Variants in DTYMK observed in about 807,000 individuals in gnomAD.
The protein encoded by DTYMK is deoxythymidylate kinase, also known as thymidylate kinase.
Under a neutral mutation model 20.3 loss-of-function variants are expected in DTYMK, and 20 were observed. That is an observed-to-expected ratio of 0.99 (90% CI 0.69 to 1.43). The LOEUF (loss-of-function observed/expected upper bound fraction) is 1.43. Among genes scored for constraint, DTYMK ranks in the 40% most tolerant of loss-of-function variants. DTYMK has a pLI of 0.00. For synonymous variants in DTYMK, 148 were observed against 124.4 expected (o/e 1.19, Z -1.27); for missense variants, 320 against 291.1 (o/e 1.10, Z -0.72).
In DTYMK at chr2:241,678,486, T is replaced by C; in HGVS notation, c.494A>G (p.His165Arg). The C allele has an allele frequency of 7.4e-6, 12 of 1,614,138 alleles. No homozygotes were observed. Among genetic ancestry groups the C allele is most frequent in the Non-Finnish European group, 1.0e-5 (12 of 1,180,032 alleles). The change falls in exon 4 of 5, where the codon CAC becomes CGC. Residue 165 changes from histidine to arginine, a missense_variant. Transcript: ENST00000305784. The stretch of plus-strand genomic sequence containing the variant: ...CAAAGTCGTGTCTTTCATGAGCTGG[T>C]GGAAACACCGGAGCGCCCGCTCCTG... ...AFQERALRCFHQLMKDTTLNW... is the reference protein window; with the variant it reads ...AFQERALRCFRQLMKDTTLNW...
intron 4 of DTYMK, among the ~76,000 whole-genome samples, chr2:241,678,052 G>A (rs2069156481): frequency 1.3e-5 from 2 of 152,182 alleles, no homozygotes; most frequent in Non-Finnish European, 2.9e-5. Context: ...GAGGTGGGCA[G>A]ATCACCTGAG....
Position 241,685,753 on chromosome 2 carries a change from G to T in DTYMK, c.239+16C>A, listed in dbSNP as rs1395370976. ...AAGTGGCAAGGGCAGAGGGAGCAGT[G>T]TGCAATGGTTTTTACACTTGTTCCC... On this transcript the variant is annotated intron_variant, in intron 2 of 4. Coordinates refer to ENST00000305784, the MANE Select transcript of DTYMK (RefSeq NM_012145.4). The T allele has an allele frequency of 6.2e-7, 1 of 1,611,616 alleles. No homozygotes were observed. The highest frequency in any genetic ancestry group is 8.5e-7 in the Non-Finnish European group (1 of 1,177,746).
At chr2:241,686,431 G>A (rs1340806729) in intron 1 of DTYMK, among the ~76,000 whole-genome samples, 1 of 152,256 alleles carries the variant, frequency 6.6e-6, no homozygotes, top group Non-Finnish European at 1.5e-5. Context: ...CTACCCGGGA[G>A]GCTGAGGCGG....
At chr2:241,686,524 AG>A (rs2124837479) in intron 1 of DTYMK, 129 bp downstream of exon 1, 1 of 1,312,106 alleles carries the variant, frequency 7.6e-7, no homozygotes, top group Non-Finnish European at 9.8e-7. Flanking sequence ...ACACAGGGAA[AG>A]CCCGTCTTTC....
intron 3 of DTYMK, among the ~76,000 whole-genome samples, chr2:241,679,105 G>A (rs1260360688): frequency 6.6e-6 from 1 of 152,230 alleles, no homozygotes; most frequent in Non-Finnish European, 1.5e-5. Flanking sequence ...TGGAAGAGCA[G>A]GAAGAAGACA....
At position 241,680,280 on chromosome 2, in the gene DTYMK, G is replaced by A; in HGVS notation, c.279C>T (p.Leu93=). 5.0e-6 allele frequency: 8 copies of A among 1,614,184 alleles called. No homozygotes were observed. The highest frequency in any genetic ancestry group is 6.8e-6 in the Non-Finnish European group (8 of 1,180,022). ...IKEKLSQGVT[L]VVDRYAFSGV... ...CAGAAAATGCGTATCTGTCCACGACGAGGGTCACGCCCTGGCTCAACTTTT... is the reference window on the plus strand; with the variant it reads ...CAGAAAATGCGTATCTGTCCACGACAAGGGTCACGCCCTGGCTCAACTTTT... Residue 93 remains leucine, a synonymous_variant, in exon 3 of 5, where the codon CTC becomes CTT. Transcript: ENST00000305784.
chr2:241,677,199 T>TG (rs2069136975), intron 4 of DTYMK, among the ~76,000 whole-genome samples: 1 of 152,138 alleles, frequency 6.6e-6, no homozygotes, highest in African/African-American at 2.4e-5. Flanking sequence ...AGAAGGCACT[T>TG]GGAAGAATCT....
At chr2:241,685,713 T>C (rs903044957) in intron 2 of DTYMK, 56 bp downstream of exon 2, 31 of 1,544,924 alleles carry the variant, frequency 2.0e-5, no homozygotes, top group Non-Finnish European at 2.7e-5. Context: ...GTTCACTGAA[T>C]CTCAGGAGGA....
intron 2 of DTYMK, chr2:241,682,322 C>T (rs912232720): frequency 1.4e-5 from 6 of 416,996 alleles, no homozygotes; most frequent in Middle Eastern, 3.4e-4. Flanking sequence ...CTGCATGACA[C>T]AGAGACCCTG....
chr2:241,685,684 AT>A (rs2069373727), intron 2 of DTYMK, 84 bp downstream of exon 2: 1 of 1,403,470 alleles, frequency 7.1e-7, no homozygotes, highest in African/African-American at 1.4e-5. Context: ...TGTCACTGTC[AT>A]TCAGAATCGA....
rs1434460664 is a variant in DTYMK, at chr2:241,680,116, G to T, written c.330+113C>A. On this transcript the variant is annotated intron_variant, in intron 3 of 4. Coordinates refer to ENST00000305784, the MANE Select transcript of DTYMK (RefSeq NM_012145.4). Reference sequence around the variant, plus strand: ...TAGCAAAGAGATAAAAGGAATATAAGAATCACGAAACTCTGCAGAGTAATC... The same window carrying T: ...TAGCAAAGAGATAAAAGGAATATAATAATCACGAAACTCTGCAGAGTAATC... The T allele has an allele frequency of 5.3e-6, 5 of 947,734 alleles. No individual in the cohort carries two copies. In the Admixed American group the frequency reaches 1.2e-4, roughly 24 times the overall value. The allele number at this position is 947,734 out of a possible 1,614,324, so 58.7% of individuals were successfully genotyped here. A position where few individuals can be genotyped will look rare whatever the true frequency, so the allele number is the denominator to read the frequency against.
At chr2:241,684,208 A>T (rs2069327513) in intron 2 of DTYMK, among the ~76,000 whole-genome samples, 1 of 152,252 alleles carries the variant, frequency 6.6e-6, no homozygotes, top group South Asian at 2.1e-4. Flanking sequence ...TAAGATTATT[A>T]TCTAAAAAGT....
intron 2 of DTYMK, 77 bp from the exon 3 acceptor site, chr2:241,680,396 G>T: frequency 6.6e-7 from 1 of 1,520,778 alleles, no homozygotes. Flanking sequence ...ATCCCAACAG[G>T]CTGTGCGCAG....
Position 241,686,605 on chromosome 2 carries a change from A to C in DTYMK, c.130+49T>G, listed in dbSNP as rs778175645. 5.5e-6 allele frequency: 8 copies of C among 1,447,972 alleles called. No homozygotes were observed. The South Asian group carries it at 1.1e-4, about 20-fold the overall frequency. The allele number at this position is 1,447,972 out of a possible 1,614,324, so 89.7% of individuals were successfully genotyped here. On this transcript the variant is annotated intron_variant, in intron 1 of 4. Coordinates refer to ENST00000305784, the MANE Select transcript of DTYMK (RefSeq NM_012145.4). ...GAAGCGGAGCAAAGAGCCCCTGGGA[A>C]GGCAGAGGCACCGAAGGCCGCGGCG...
intron 2 of DTYMK, chr2:241,682,352 G>C (rs1455539022): frequency 7.9e-6 from 3 of 378,858 alleles, no homozygotes; most frequent in South Asian, 3.8e-5. Context: ...AGAAAAGAGA[G>C]AAAGAGAGTG....
chr2:241,686,440 G>A (rs1335983880), intron 1 of DTYMK, among the ~76,000 whole-genome samples: 1 of 152,160 alleles, frequency 6.6e-6, no homozygotes, highest in African/African-American at 2.4e-5. Flanking sequence ...AGGCTGAGGC[G>A]GGAGGATCGC....
At chr2:241,677,415 A>C (rs2069142504) in intron 4 of DTYMK, among the ~76,000 whole-genome samples, 1 of 152,242 alleles carries the variant, frequency 6.6e-6, no homozygotes, top group Admixed American at 6.5e-5. Flanking sequence ...GCGTTCCGGG[A>C]AACGAAAAGC....
chr2:241,675,951 G>A lies in DTYMK; in HGVS notation c.*176C>T, dbSNP rs906314072. 1.0e-5 allele frequency: 6 copies of A among 586,130 alleles called. No homozygotes were observed. The highest frequency in any genetic ancestry group is 3.3e-5 in the Admixed American group (1 of 30,400). The allele number at this position is 586,130 out of a possible 1,614,324, so 36.3% of individuals were successfully genotyped here. A position where few individuals can be genotyped will look rare whatever the true frequency, so the allele number is the denominator to read the frequency against. On this transcript the variant is annotated 3_prime_UTR_variant, in exon 5 of 5. Coordinates refer to ENST00000305784, the MANE Select transcript of DTYMK (RefSeq NM_012145.4). Reference sequence around the variant, plus strand: ...TCCACACTGCCAAGGTCCCCACCACGGGGGTCCCCAGTGCACCCCAGCTCC... The same window carrying A: ...TCCACACTGCCAAGGTCCCCACCACAGGGGTCCCCAGTGCACCCCAGCTCC...
Position 241,680,270 on chromosome 2 carries a change from T to C in DTYMK, c.289A>G (p.Arg97Gly), listed in dbSNP as rs2069212548. 6.2e-7 allele frequency: 1 copy of C among 1,614,102 alleles called. No homozygotes were observed. ...LSQGVTLVVD[R>G]YAFSGVAFTG... ...AAGGCCACACCAGAAAATGCGTATC[T>C]GTCCACGACGAGGGTCACGCCCTGG... The change falls in exon 3 of 5, where the codon AGA becomes GGA. Residue 97 changes from arginine to glycine, a missense_variant. By Grantham distance (125) the Arg-to-Gly change is moderately radical (BLOSUM62 -2). Coordinates refer to ENST00000305784, the MANE Select transcript of DTYMK (RefSeq NM_012145.4).
Sources: gnomAD v4.1 joint callset for allele counts (sites outside exome capture counted in the v4.1 genomes callset) on GRCh38, gnomAD v4.1.1 for gene constraint, MANE v1.5 for transcripts, NCBI Gene and HGNC (gene_info 2026-07-23, HGNC 2026-07-21) for gene names.